PCDHGA5: variants seen among roughly 807,000 people sequenced by gnomAD.
PCDHGA5 encodes protocadherin gamma-A5.
PCDHGA5 carries 36 observed loss-of-function variants against 56.7 expected under a neutral mutation model. That is an observed-to-expected ratio of 0.64 (90% CI 0.49 to 0.84). The LOEUF (loss-of-function observed/expected upper bound fraction) is 0.84, where lower values mean the gene tolerates loss of function less well. Among genes scored for constraint, PCDHGA5 ranks in the 40% least tolerant of loss-of-function variants. The pLI is 0.00. For missense variants in PCDHGA5, 1,305 were observed against 1,201.5 expected, an observed-to-expected ratio of 1.09 and a Z score of -1.27; for synonymous variants, 563 against 520.2, an observed-to-expected ratio of 1.08 and a Z score of -1.12.
intron 1 of PCDHGA5, chr5:141,478,878 T>A: frequency 8.0e-7 from 1 of 1,250,194 alleles, no homozygotes; most frequent in Non-Finnish European, 1.1e-6. Flanking sequence ...GAGTTTAGCT[T>A]GGTATCATTT....
chr5:141,377,605 C>CTCA (rs200405264), intron 1 of PCDHGA5: 6 of 140,756 alleles, frequency 4.3e-5, no homozygotes, highest in South Asian at 4.7e-4. Context: ...CTCTCTCTCT[C>CTCA]AAAAAAAAAA....
rs2099745591 is a variant in PCDHGA5, at chr5:141,492,999, T to C, written c.2422-1808T>C. Among the ~76,000 whole-genome samples, 3 of 152,350 alleles carry C rather than the reference T, an allele frequency of 2.0e-5. No homozygotes were observed. In the South Asian group the frequency reaches 6.2e-4, roughly 32 times the overall value. ...CTGTCTCCTCTGGCAGATGGAAAGCTATAGGCTCTGCCAGATGCCAGGGTG... is the reference window on the plus strand; with the variant it reads ...CTGTCTCCTCTGGCAGATGGAAAGCCATAGGCTCTGCCAGATGCCAGGGTG... On this transcript the variant is annotated intron_variant, in intron 1 of 3. Coordinates refer to ENST00000518069, the MANE Select transcript of PCDHGA5 (RefSeq NM_018918.3).
At chr5:141,390,348 A>G in intron 1 of PCDHGA5, 1 of 1,572,378 alleles carries the variant, frequency 6.4e-7, no homozygotes, top group Middle Eastern at 1.7e-4. Flanking sequence ...ACAAGAAAAT[A>G]TACATATTTG....
intron 1 of PCDHGA5, chr5:141,384,915 G>C (rs1460379128): frequency 1.2e-6 from 2 of 1,613,914 alleles, no homozygotes; most frequent in Non-Finnish European, 1.7e-6. Context: ...CCGAAGTCTT[G>C]GCCGACCTGG....
At chr5:141,390,003 C>T in intron 1 of PCDHGA5, 1 of 1,614,056 alleles carries the variant, frequency 6.2e-7, no homozygotes, top group Non-Finnish European at 8.5e-7. Flanking sequence ...GGCCATGATT[C>T]TGGCCATTGC....
chr5:141,409,231 C>T (rs756486864), intron 1 of PCDHGA5: 7 of 1,613,926 alleles, frequency 4.3e-6, no homozygotes, highest in Admixed American at 3.3e-5. Flanking sequence ...AAAACGACAA[C>T]AGCCCAGAAA....
chr5:141,413,559 T>A, intron 1 of PCDHGA5: 1 of 1,613,862 alleles, frequency 6.2e-7, no homozygotes. Flanking sequence ...TAGAAGTAAC[T>A]GATATCAATG....
At chr5:141,497,499 C>G (rs1217418941) in intron 2 of PCDHGA5, among the ~76,000 whole-genome samples, 3 of 151,416 alleles carry the variant, frequency 2.0e-5, no homozygotes, top group Non-Finnish European at 4.4e-5. Context: ...TCTCTCTCCT[C>G]TCTCTGCTTC....
chr5:141,458,718 C>T (rs569153299), intron 1 of PCDHGA5, among the ~76,000 whole-genome samples: 3 of 151,942 alleles, frequency 2.0e-5, no homozygotes, highest in African/African-American at 4.8e-5. Context: ...TACAGGTATT[C>T]GCCACCACAT....
At position 141,477,053 on chromosome 5, in the gene PCDHGA5, G is replaced by C; in HGVS notation, c.2422-17754G>C. ...GACAATCAAGGGTCGGCTGGACTTC[G>C]AGGACACCAAACTCCATGAGATTTA... On this transcript the variant is annotated intron_variant, in intron 1 of 3. Coordinates refer to ENST00000518069, the MANE Select transcript of PCDHGA5 (RefSeq NM_018918.3). This position sits in a 1 kb window ranked among gnomAD's most constrained non-coding sequence, Gnocchi z 4.9. The C allele has an allele frequency of 6.2e-7, 1 of 1,614,230 alleles. No homozygotes were observed. Among genetic ancestry groups the C allele is most frequent in the Non-Finnish European group, 8.5e-7 (1 of 1,180,032 alleles).
intron 1 of PCDHGA5, chr5:141,371,219 C>G: frequency 6.2e-7 from 1 of 1,613,954 alleles, no homozygotes. Context: ...GCATCAATGC[C>G]GAAATCATCT....
At chr5:141,372,786 TC>T in intron 1 of PCDHGA5, 1 of 1,605,598 alleles carries the variant, frequency 6.2e-7, no homozygotes, top group Non-Finnish European at 8.5e-7. Context: ...AGAAATGCCT[TC>T]TAATTCAGGC....
intron 1 of PCDHGA5, chr5:141,405,129 G>A (rs755961534): frequency 9.9e-6 from 16 of 1,613,846 alleles, no homozygotes; most frequent in Middle Eastern, 3.3e-4. Context: ...CATCTGCTGC[G>A]GGCTACCAGT....
rs111388524 is a variant in PCDHGA5, at chr5:141,376,009, A to C, written c.2421+9258A>C. On this transcript the variant is annotated intron_variant, in intron 1 of 3. Transcript: ENST00000518069. ...ACAGAGACGCGCTCAAGCAGAGCCTAGTGGTGGCCGTCCAGGACCACGGCC... is the reference window on the plus strand; with the variant it reads ...ACAGAGACGCGCTCAAGCAGAGCCTCGTGGTGGCCGTCCAGGACCACGGCC... 13,464 of 1,612,162 alleles carry C rather than the reference A, an allele frequency of 8.4e-3. 162 individuals carry two copies. The highest frequency in any genetic ancestry group is 0.039 in the African/African-American group (2,956 of 74,982).
At chr5:141,499,013 GA>G (rs2099788463) in intron 2 of PCDHGA5, among the ~76,000 whole-genome samples, 1 of 144,746 alleles carries the variant, frequency 6.9e-6, no homozygotes, top group Non-Finnish European at 1.5e-5. Context: ...AGGAAGGAAG[GA>G]AGGAAGGAAG....
intron 1 of PCDHGA5, chr5:141,383,815 G>T (rs1221512502): frequency 1.2e-6 from 2 of 1,613,964 alleles, no homozygotes; most frequent in Non-Finnish European, 1.7e-6. Context: ...AACTTTAGAA[G>T]GATTAGATTA....
At position 141,432,749 on chromosome 5, in the gene PCDHGA5, G is replaced by A; in HGVS notation, c.2422-62058G>A. 6.8e-6 allele frequency: 11 copies of A among 1,614,106 alleles called. No homozygotes were observed. The highest frequency in any genetic ancestry group is 9.3e-6 in the Non-Finnish European group (11 of 1,179,980). On this transcript the variant is annotated intron_variant, in intron 1 of 3. Coordinates refer to ENST00000518069, the MANE Select transcript of PCDHGA5 (RefSeq NM_018918.3). The surrounding 1 kb of genome is among the most constrained non-coding windows in gnomAD (Gnocchi z 6.0). ...CGCCACTGTCACGCTCACCGTGGCCGTGGCCGACAGCATCCCCCAAGTCCT... is the reference window on the plus strand; with the variant it reads ...CGCCACTGTCACGCTCACCGTGGCCATGGCCGACAGCATCCCCCAAGTCCT...
At position 141,487,780 on chromosome 5, in the gene PCDHGA5, C is replaced by T. The variant is rs1423149; in HGVS notation, c.2422-7027C>T. On this transcript the variant is annotated intron_variant, in intron 1 of 3. Transcript: ENST00000518069. The surrounding 1 kb of genome is among the most constrained non-coding windows in gnomAD (Gnocchi z 5.0). ...TAGACGCTGTGCTTTGTAACTGTTT[C>T]GTGAATTAACCAGAGTTGTCACAGT... 0.06 allele frequency: 91,434 copies of T among 1,526,176 alleles called. 5,728 individuals carry two copies. Among genetic ancestry groups the T allele is most frequent in the African/African-American group, 0.33 (23,789 of 72,466 alleles). The allele number at this position is 1,526,176 out of a possible 1,614,324, so 94.5% of individuals were successfully genotyped here. A position where few individuals can be genotyped will look rare whatever the true frequency, so the allele number is the denominator to read the frequency against.
intron 1 of PCDHGA5, chr5:141,374,756 G>A (rs968410543): frequency 2.5e-6 from 4 of 1,612,954 alleles, no homozygotes; most frequent in Non-Finnish European, 2.5e-6. Flanking sequence ...CCGCTCAAGC[G>A]TCGCCCAAAT....
Sources: gnomAD v4.1 joint callset for allele counts (sites outside exome capture counted in the v4.1 genomes callset) on GRCh38, gnomAD v4.1.1 for gene constraint, Gnocchi (gnomAD v3.1) non-coding constraint, MANE v1.5 for transcripts, NCBI Gene and HGNC (gene_info 2026-07-23, HGNC 2026-07-21) for gene names.